PPIL6: variants seen among roughly 807,000 people sequenced by gnomAD.
The protein encoded by PPIL6 is probable inactive peptidyl-prolyl cis-trans isomerase-like 6.
A neutral mutation model predicts 36.8 loss-of-function variants in PPIL6; 39 were observed. The observed-to-expected ratio is 1.06, with a 90% confidence interval of 0.82 to 1.38. PPIL6 has a LOEUF of 1.38. Among genes scored for constraint, PPIL6 ranks in the 40% most tolerant of loss-of-function variants. The pLI, the probability that PPIL6 is intolerant of heterozygous loss-of-function variation, is 0.00. For missense variants in PPIL6, 368 were observed against 379.1 expected (o/e 0.97, Z 0.24); for synonymous variants, 123 against 134.1 (o/e 0.92, Z 0.57).
chr6:109,392,660 CAG>C lies in PPIL6; in HGVS notation c.*164_*165del. 4 of 571,382 alleles carry C rather than the reference CAG, an allele frequency of 7.0e-6. No homozygotes were observed. Among genetic ancestry groups the C allele is most frequent in the Non-Finnish European group, 1.2e-5 (4 of 324,940 alleles). 35.4% of individuals were successfully genotyped at this position (571,382 alleles called of 1,614,324 possible). A position where few individuals can be genotyped will look rare whatever the true frequency, so the allele number is the denominator to read the frequency against. Reference sequence around the variant, plus strand: ...TACCACCCTTTCACAGTCTCTATGACAGAGACAGGAAAGGAAGATGGGGAGGG... The same window carrying C: ...TACCACCCTTTCACAGTCTCTATGACAGACAGGAAAGGAAGATGGGGAGGG... On this transcript the variant is annotated 3_prime_UTR_variant, in exon 8 of 8. Transcript: ENST00000521072.
intron 6 of PPIL6, among the ~76,000 whole-genome samples, chr6:109,400,913 G>C (rs960990689): frequency 6.6e-6 from 1 of 151,976 alleles, no homozygotes; most frequent in Non-Finnish European, 1.5e-5. Context: ...AGGCTGGAGT[G>C]CAGTGGTGCG....
chr6:109,430,912 T>C (rs1398532194), intron 3 of PPIL6, among the ~76,000 whole-genome samples: 4 of 152,100 alleles, frequency 2.6e-5, no homozygotes. Flanking sequence ...TGCATATAAA[T>C]CTCTAATGGG....
chr6:109,414,476 G>GTTTTTTTTTTTTTTT (rs1773153520), intron 6 of PPIL6, among the ~76,000 whole-genome samples: 1 of 107,084 alleles, frequency 9.3e-6, no homozygotes, highest in African/African-American at 3.9e-5. Flanking sequence ...ATGTCTTTTA[G>GTTTTTTTTTTTTTTT]CTTTTTTTTT....
At chr6:109,437,873 T>C (rs1053131810) in intron 1 of PPIL6, among the ~76,000 whole-genome samples, 2 of 152,148 alleles carry the variant, frequency 1.3e-5, no homozygotes, top group Non-Finnish European at 2.9e-5. Context: ...CCTGGCCCGG[T>C]TGACTGCTAT....
At chr6:109,430,576 G>A (rs1191423963) in intron 3 of PPIL6, among the ~76,000 whole-genome samples, 2 of 152,050 alleles carry the variant, frequency 1.3e-5, no homozygotes, top group Admixed American at 6.6e-5. Context: ...ACAGGTACAC[G>A]CCACCACGCC....
intron 3 of PPIL6, among the ~76,000 whole-genome samples, chr6:109,430,117 T>G (rs1209530146): frequency 1.3e-5 from 2 of 152,216 alleles, no homozygotes; most frequent in Non-Finnish European, 2.9e-5. Context: ...CCTATTATGT[T>G]TCAGGTCTGT....
chr6:109,436,003 A>G, intron 2 of PPIL6, 101 bp downstream of exon 2: 1 of 753,118 alleles, frequency 1.3e-6, no homozygotes, highest in Non-Finnish European at 2.4e-6. Flanking sequence ...AAATCTAGTT[A>G]CACTAAAATT....
chr6:109,403,915 C>A (rs1279105313), intron 6 of PPIL6, among the ~76,000 whole-genome samples: 2 of 152,148 alleles, frequency 1.3e-5, no homozygotes, highest in Non-Finnish European at 2.9e-5. Flanking sequence ...CATTCCCAGG[C>A]AGGTGAAGGG....
At chr6:109,407,440 C>T (rs1349768829) in intron 6 of PPIL6, among the ~76,000 whole-genome samples, 8 of 152,010 alleles carry the variant, frequency 5.3e-5, no homozygotes, top group Non-Finnish European at 1.2e-4. Flanking sequence ...GGGGTTTTGC[C>T]GTGTTAGCCA....
In PPIL6 at chr6:109,393,061, A is replaced by G. The variant is rs1014951664; in HGVS notation, c.825-124T>C. On this transcript the variant is annotated intron_variant, in intron 7 of 7. Transcript: ENST00000521072. ...ATTTCCTACAAATTGAATGAACATC[A>G]GCTCTAAGTATCCTAAACCTCTCTG... The G allele has an allele frequency of 1.6e-5, 10 of 621,924 alleles. No homozygotes were observed. The African/African-American group carries it at 1.9e-4, about 12-fold the overall frequency. The allele number at this position is 621,924 out of a possible 1,614,324, so 38.5% of individuals were successfully genotyped here.
chr6:109,398,058 A>C (rs1168815782), intron 7 of PPIL6, among the ~76,000 whole-genome samples: 1 of 151,950 alleles, frequency 6.6e-6, no homozygotes, highest in Non-Finnish European at 1.5e-5. Context: ...TGCCCAGCTA[A>C]TTTTTGTATT....
chr6:109,420,531 C>T (rs935115898), intron 5 of PPIL6, among the ~76,000 whole-genome samples: 25 of 151,986 alleles, frequency 1.6e-4, no homozygotes, highest in Non-Finnish European at 5.9e-5. Flanking sequence ...TTAGGCAATG[C>T]TCCCACTATA....
In PPIL6 at chr6:109,400,102, T is replaced by A; in HGVS notation, c.757A>T (p.Asn253Tyr). ...LGMANKGRHS[N>Y]GSQFYITLQA... ...AGTGTGATATAGAATTGTGACCCGT[T>A]GCTGTGACGGCCTTTGTTGGCCATT... Residue 253 changes from asparagine (N) to tyrosine (Y), a missense_variant, in exon 7 of 8, where the codon AAC becomes TAC. Transcript: ENST00000521072. 6.2e-7 allele frequency: 1 copy of A among 1,613,916 alleles called. No individual in the cohort carries two copies. The highest frequency in any genetic ancestry group is 8.5e-7 in the Non-Finnish European group (1 of 1,179,826).
chr6:109,434,515 A>G (rs1774341084), intron 2 of PPIL6, among the ~76,000 whole-genome samples: 1 of 152,172 alleles, frequency 6.6e-6, no homozygotes, highest in South Asian at 2.1e-4. Flanking sequence ...TTGAATTCCA[A>G]TGAGAATCTT....
intron 6 of PPIL6, among the ~76,000 whole-genome samples, chr6:109,411,554 A>C (rs777842431): frequency 1.1e-4 from 16 of 152,142 alleles, no homozygotes; most frequent in Non-Finnish European, 2.2e-4. Flanking sequence ...ACTGACCCCA[A>C]CTATAGCTGG....
intron 4 of PPIL6, 34 bp downstream of exon 4, chr6:109,427,059 AC>A: frequency 1.3e-6 from 2 of 1,593,630 alleles, no homozygotes; most frequent in African/African-American, 1.3e-5. Context: ...TATAGATCCT[AC>A]CCCCACAAAC....
chr6:109,428,455 G>A (rs1304630008), intron 3 of PPIL6, among the ~76,000 whole-genome samples: 4 of 151,724 alleles, frequency 2.6e-5, no homozygotes, highest in African/African-American at 9.7e-5. Flanking sequence ...GGAAGGCTGA[G>A]GCAATAGGAT....
chr6:109,427,039 C>T (rs776917112), intron 4 of PPIL6, 45 bp from the exon 5 acceptor site: 4 of 1,598,632 alleles, frequency 2.5e-6, no homozygotes, highest in South Asian at 2.2e-5. Flanking sequence ...ATATTTAACA[C>T]TCCAACAGTT....
intron 5 of PPIL6, 81 bp downstream of exon 5, chr6:109,426,766 T>C: frequency 1.0e-6 from 1 of 964,338 alleles, no homozygotes; most frequent in Non-Finnish European, 1.5e-6. Context: ...TAATTCTACA[T>C]ACATTTCATA....
Sources: allele counts gnomAD v4.1 joint callset (sites outside exome capture counted in the v4.1 genomes callset), GRCh38; gene constraint gnomAD v4.1.1; transcripts MANE v1.5; gene names NCBI Gene and HGNC (gene_info 2026-07-23, HGNC 2026-07-21).